SLC4A4: variants seen among roughly 807,000 people sequenced by gnomAD.
SLC4A4 encodes the protein solute carrier family 4 member 4.
Under a neutral mutation model 111.5 loss-of-function variants are expected in SLC4A4, and 27 were observed. The ratio of observed to expected loss-of-function variants is 0.24; its 90% CI spans 0.18 to 0.33. The LOEUF is 0.33. SLC4A4 is among the 10% of genes least tolerant of loss of function. SLC4A4 has a pLI of 1.00. For missense variants in SLC4A4, 909 were observed against 1,315.5 expected, an observed-to-expected ratio of 0.69 and a Z score of 4.78; for synonymous variants, 443 against 463.4, an observed-to-expected ratio of 0.96 and a Z score of 0.57.
intron 2 of SLC4A4, among the ~76,000 whole-genome samples, chr4:71,143,990 C>T (rs1019138117): frequency 4.6e-5 from 7 of 152,154 alleles, no homozygotes; most frequent in African/African-American, 1.7e-4. Flanking sequence ...GTTGCCATTG[C>T]TTTTGGTGTT....
At chr4:71,207,032 G>A (rs553824716) in intron 1 of SLC4A4, among the ~76,000 whole-genome samples, 78 of 152,136 alleles carry the variant, frequency 5.1e-4, no homozygotes, top group Middle Eastern at 3.4e-3. Context: ...TAAGCATAAT[G>A]GTACTAGTAA....
intron 1 of SLC4A4, among the ~76,000 whole-genome samples, chr4:71,082,447 A>G (rs1578460156): frequency 6.6e-6 from 1 of 151,942 alleles, no homozygotes; most frequent in Admixed American, 6.6e-5. Flanking sequence ...GCCTGCTAGA[A>G]CAGCCACCAA....
At chr4:71,307,793 G>A (rs1247394018) in intron 3 of SLC4A4, among the ~76,000 whole-genome samples, 1 of 152,142 alleles carries the variant, frequency 6.6e-6, no homozygotes. Flanking sequence ...CAAACAAACG[G>A]AAGTATTCTC....
At chr4:71,069,928 A>G (rs897815974) in intron 1 of SLC4A4, among the ~76,000 whole-genome samples, 4 of 152,204 alleles carry the variant, frequency 2.6e-5, no homozygotes, top group Admixed American at 6.5e-5. Context: ...AAATGTCTCA[A>G]TGCAGATGCT....
At chr4:71,536,597 A>C (rs1039649434) in intron 18 of SLC4A4, among the ~76,000 whole-genome samples, 12 of 150,026 alleles carry the variant, frequency 8.0e-5, no homozygotes, top group Admixed American at 8.0e-4. Flanking sequence ...CCGGGGTTCA[A>C]GTGATTCTCC....
At chr4:71,339,032 T>C in intron 3 of SLC4A4, 1 of 1,444,308 alleles carries the variant, frequency 6.9e-7, no homozygotes. Flanking sequence ...CTTATAATTT[T>C]GGATGAGTCA....
chr4:71,143,283 A>T (rs536313951), intron 2 of SLC4A4, among the ~76,000 whole-genome samples: 2,618 of 152,032 alleles, frequency 0.017, 84 homozygotes, highest in African/African-American at 0.06. Context: ...TGAACTCATC[A>T]TTTTTTATGG....
intron 2 of SLC4A4, among the ~76,000 whole-genome samples, chr4:71,239,287 G>T (rs369516418): frequency 2.0e-5 from 3 of 152,228 alleles, no homozygotes; most frequent in East Asian, 1.9e-4. Context: ...GTTTTTTACA[G>T]TTATCTGCAT....
chr4:71,465,933 T>C (rs1469252544), intron 12 of SLC4A4, among the ~76,000 whole-genome samples: 1 of 152,126 alleles, frequency 6.6e-6, no homozygotes, highest in Admixed American at 6.6e-5. Flanking sequence ...CAAATCACTT[T>C]TTTGGTCCCC....
intron 5 of SLC4A4, among the ~76,000 whole-genome samples, chr4:71,355,873 C>G (rs142267137): frequency 6.6e-6 from 1 of 152,156 alleles, no homozygotes; most frequent in Non-Finnish European, 1.5e-5. Flanking sequence ...AGTTATTGTT[C>G]GTTTCTTTAC....
intron 2 of SLC4A4, among the ~76,000 whole-genome samples, chr4:71,178,274 T>G (rs1266815800): frequency 6.7e-6 from 1 of 149,318 alleles, no homozygotes; most frequent in African/African-American, 2.5e-5. Flanking sequence ...ACCCTAAAAC[T>G]TAAAGTATAA....
At chr4:71,521,870 T>C (rs1186073713) in intron 16 of SLC4A4, among the ~76,000 whole-genome samples, 7 of 152,176 alleles carry the variant, frequency 4.6e-5, no homozygotes, top group African/African-American at 1.7e-4. Context: ...ATAAGTTTAT[T>C]CCACTGCAGT....
At chr4:71,260,568 G>C (rs559636116) in intron 3 of SLC4A4, among the ~76,000 whole-genome samples, 2 of 152,258 alleles carry the variant, frequency 1.3e-5, no homozygotes, top group East Asian at 3.9e-4. Context: ...TATATAAGTA[G>C]GAGGAAGTAC....
chr4:71,105,405 G>T (rs1742880313), intron 2 of SLC4A4, among the ~76,000 whole-genome samples: 1 of 150,464 alleles, frequency 6.6e-6, no homozygotes, highest in South Asian at 2.1e-4. Flanking sequence ...TTTCTTCACA[G>T]AATTGGAAAA....
intron 2 of SLC4A4, among the ~76,000 whole-genome samples, chr4:71,133,803 C>A (rs1190764990): frequency 6.6e-6 from 1 of 152,190 alleles, no homozygotes; most frequent in Non-Finnish European, 1.5e-5. Context: ...GAACTTGGCA[C>A]CCCCGTTGCT....
chr4:71,102,721 G>GA (rs1742792893), intron 2 of SLC4A4, among the ~76,000 whole-genome samples: 1 of 150,506 alleles, frequency 6.6e-6, no homozygotes, highest in Non-Finnish European at 1.5e-5. Flanking sequence ...AGCAAATGCT[G>GA]AGAGATTTTG....
chr4:71,429,420 TA>T (rs568063963), intron 7 of SLC4A4, among the ~76,000 whole-genome samples: 6 of 151,908 alleles, frequency 3.9e-5, no homozygotes, highest in African/African-American at 1.2e-4. Context: ...TAAGAAAGGT[TA>T]AAAAAAATTG....
At chr4:71,474,618 T>A (rs898933695) in intron 14 of SLC4A4, among the ~76,000 whole-genome samples, 1 of 151,864 alleles carries the variant, frequency 6.6e-6, no homozygotes, top group African/African-American at 2.4e-5. Context: ...GTAACACTGA[T>A]GACAAGCTAG....
chr4:71,568,042 C>T lies in SLC4A4; in HGVS notation c.*291C>T, dbSNP rs1453453. ...TCTCTCTGCTTCTCTCTTGCATAGA[C>T]ACAATCAAGACAATAGTGCACCGTT... On this transcript the variant is annotated 3_prime_UTR_variant, in exon 26 of 26. Transcript: ENST00000264485. 0.97 allele frequency: 575,837 copies of T among 594,658 alleles called. 279,809 individuals are homozygous for T. Among genetic ancestry groups the T allele is most frequent in the Non-Finnish European group, 0.99 (328,940 of 331,710 alleles). The allele number at this position is 594,658 out of a possible 1,614,324, so 36.8% of individuals were successfully genotyped here. A position where few individuals can be genotyped will look rare whatever the true frequency, so the allele number is the denominator to read the frequency against.
Sources: allele counts gnomAD v4.1 joint callset (sites outside exome capture counted in the v4.1 genomes callset), GRCh38; gene constraint gnomAD v4.1.1; transcripts MANE v1.5; gene names NCBI Gene and HGNC (gene_info 2026-07-23, HGNC 2026-07-21).